NPC1: variants seen among roughly 807,000 people sequenced by gnomAD.
NPC1 encodes NPC intracellular cholesterol transporter 1.
NPC1 carries 85 observed loss-of-function variants against 140.4 expected under a neutral mutation model. The observed-to-expected ratio is 0.61, with a 90% confidence interval of 0.51 to 0.72. The LOEUF is 0.72. NPC1 is among the 30% of genes least tolerant of loss of function. The probability of loss-of-function intolerance (pLI) is 0.00; values close to 1 mark genes in which losing one functional copy is unlikely to be tolerated. For synonymous variants in NPC1, 656 were observed against 624.8 expected (o/e 1.05, Z -0.74); for missense variants, 1,504 against 1,623.8 (o/e 0.93, Z 1.27).
At chr18:23,515,631 C>G (rs557755175) in intron 3 of NPC1, among the ~76,000 whole-genome samples, 1 of 152,312 alleles carries the variant, frequency 6.6e-6, no homozygotes, top group South Asian at 2.1e-4. Flanking sequence ...TGGGTTCATT[C>G]AAGCAATTCT....
At chr18:23,508,140 T>TG in intron 3 of NPC1, 1 of 1,105,482 alleles carries the variant, frequency 9.0e-7, no homozygotes, top group Non-Finnish European at 1.3e-6. Flanking sequence ...AGCACAGACT[T>TG]GAAGTCAGAC....
intron 3 of NPC1, chr18:23,515,956 C>T (rs747682077): frequency 3.2e-5 from 52 of 1,614,122 alleles, no homozygotes; most frequent in Non-Finnish European, 4.4e-5. Flanking sequence ...TTGCTGTCTA[C>T]CACGGTCCTG....
intron 4 of NPC1, among the ~76,000 whole-genome samples, chr18:23,568,514 T>TAC (rs1236847347): frequency 2.0e-5 from 3 of 152,216 alleles, no homozygotes; most frequent in African/African-American, 4.8e-5. Flanking sequence ...TTTATGACAT[T>TAC]ACACAACTCA....
rs573154678 is a variant in NPC1 at position 23,506,315 on chromosome 18, G to A, written c.*221C>T. 2.0e-5 allele frequency: 3 copies of A among 151,742 alleles called. No individual in the cohort carries two copies. The South Asian group carries it at 6.3e-4, about 32-fold the overall frequency. 9.4% of individuals were successfully genotyped at this position (151,742 alleles called of 1,614,324 possible). ...TCACCACAATCAAGGCAATGAACAT[G>A]TTCAGACCCCGAAAAGTTTCCTTGG... On this transcript the variant is annotated 3_prime_UTR_variant, in exon 4 of 4. Transcript: ENST00000591107.
downstream of NPC1, chr18:23,529,389 C>A: frequency 1.3e-6 from 2 of 1,501,168 alleles, no homozygotes; most frequent in South Asian, 2.7e-5. Context: ...ATTAGAGTCA[C>A]TTGAAGTGAT....
At chr18:23,560,908 A>C (rs1463122763) in intron 5 of NPC1, among the ~76,000 whole-genome samples, 3 of 152,210 alleles carry the variant, frequency 2.0e-5, no homozygotes, top group South Asian at 2.1e-4. Context: ...AATTAGCCAC[A>C]GCAGGATAAA....
At chr18:23,572,304 C>T (rs2059215567) in intron 2 of NPC1, 124 bp from the exon 3 acceptor site, 4 of 690,800 alleles carry the variant, frequency 5.8e-6, no homozygotes, top group Middle Eastern at 2.4e-4. Flanking sequence ...TAAGACACAT[C>T]CTGTATTTGC....
downstream of NPC1, among the ~76,000 whole-genome samples, chr18:23,526,239 A>T (rs1002601400): frequency 2.6e-5 from 4 of 152,250 alleles, no homozygotes; most frequent in Non-Finnish European, 4.4e-5. Flanking sequence ...GAGCTGTTGT[A>T]GGAGAAACCA....
intron 3 of NPC1, chr18:23,515,945 C>T: frequency 6.2e-7 from 1 of 1,614,166 alleles, no homozygotes; most frequent in South Asian, 1.1e-5. Context: ...GCGCCGTGAT[C>T]TTGCTGTCTA....
intron 1 of NPC1, 140 bp downstream of exon 1, chr18:23,586,147 G>C (rs2059416003): frequency 1.1e-6 from 1 of 885,616 alleles, no homozygotes; most frequent in African/African-American, 1.7e-5. Flanking sequence ...AACAGGACAA[G>C]TGAGGAACCT....
At chr18:23,517,551 A>G (rs529414123), downstream of NPC1, among the ~76,000 whole-genome samples, 52 of 152,328 alleles carry the variant, frequency 3.4e-4, no homozygotes, top group African/African-American at 1.2e-3. Context: ...GAACCCCTGT[A>G]TGCCTGTATC....
In NPC1 at chr18:23,548,339, C is replaced by CTTTT. The variant is rs34182768; in HGVS notation, c.1655-235_1655-232dup. Among the ~76,000 whole-genome samples the CTTTT allele has an allele frequency of 4.6e-3, 632 of 136,174 alleles. 3 individuals carry two copies. Among genetic ancestry groups the CTTTT allele is most frequent in the African/African-American group, 0.016 (601 of 37,830 alleles). The allele number at this position is 136,174 out of a possible 152,430, so 89.3% of individuals were successfully genotyped here. ...TGGTTATCATTCAGGAAGAGTAACT[C>CTTTT]TTTTTTTTTTTTTTTTTAAAGGATA... On this transcript the variant is annotated intron_variant, in intron 10 of 24. Transcript: ENST00000269228.
At chr18:23,558,368 C>T (rs1297295688) in intron 6 of NPC1, among the ~76,000 whole-genome samples, 1 of 152,026 alleles carries the variant, frequency 6.6e-6, no homozygotes, top group Non-Finnish European at 1.5e-5. Context: ...ATCAGGGATC[C>T]CTGACATGAT....
At position 23,566,818 on chromosome 18, in the gene NPC1, A is replaced by C. The variant is rs192455330; in HGVS notation, c.463+2005T>G. Among the ~76,000 whole-genome samples the C allele has an allele frequency of 1.1e-4, 17 of 152,284 alleles. No individual in the cohort carries two copies. The East Asian group carries it at 3.3e-3, about 29-fold the overall frequency. On this transcript the variant is annotated intron_variant, in intron 4 of 24. Transcript: ENST00000269228. ...ATATAGAGTATTTTCACCACCTAAA[A>C]ATCTTCTGTGCTCTACTTATGCCTT...
At chr18:23,527,726 C>A, downstream of NPC1, 1 of 1,207,220 alleles carries the variant, frequency 8.3e-7, no homozygotes, top group Non-Finnish European at 1.2e-6. Flanking sequence ...TTTATCATAG[C>A]AACGTGTGGA....
chr18:23,544,036 A>G (rs1037384973), intron 13 of NPC1, among the ~76,000 whole-genome samples: 4 of 152,214 alleles, frequency 2.6e-5, no homozygotes, highest in Non-Finnish European at 5.9e-5. Flanking sequence ...ATCTTTTCCA[A>G]AAGTGTGTTA....
chr18:23,533,431 G>A lies in NPC1; in HGVS notation c.3678C>T (p.Phe1226=). ...AKSQIFQIFY[F]RMYLAMVLLG... ...GTAAGACCATGGCCAAATACATCCT[G>A]AAGTAGAATATCTGGAAAATTTGAG... is the stretch of plus-strand genomic sequence containing the variant. Residue 1226 remains phenylalanine (F), a synonymous_variant, in exon 24 of 25, where the codon TTC becomes TTT. Transcript: ENST00000269228. 2 of 1,614,100 alleles carry A rather than the reference G, an allele frequency of 1.2e-6. No individual in the cohort carries two copies. The highest frequency in any genetic ancestry group is 1.7e-6 in the Non-Finnish European group (2 of 1,179,974).
rs1394688704 is a variant in NPC1, at chr18:23,551,622, C to T, written c.1654+5G>A. On this transcript the variant is annotated splice_donor_5th_base_variant and intron_variant, in intron 10 of 24. Coordinates refer to ENST00000269228, the MANE Select transcript of NPC1 (RefSeq NM_000271.5). ...AAAGGAAAAGTCAAAGCTTCTCTTA[C>T]TTACCATCATAGCCTCCCAACACAA... 6.2e-7 allele frequency: 1 copy of T among 1,604,256 alleles called. No individual in the cohort carries two copies. Among genetic ancestry groups the T allele is most frequent in the Admixed American group, 1.7e-5 (1 of 60,024 alleles).
At chr18:23,584,345 AC>A (rs756692441) in intron 1 of NPC1, among the ~76,000 whole-genome samples, 5 of 152,144 alleles carry the variant, frequency 3.3e-5, no homozygotes, top group Non-Finnish European at 5.9e-5. Flanking sequence ...TCATGGCTCC[AC>A]CCCAATCTGT....
Sources: allele counts gnomAD v4.1 joint callset (sites outside exome capture counted in the v4.1 genomes callset), GRCh38; gene constraint gnomAD v4.1.1; transcripts MANE v1.5; gene names NCBI Gene and HGNC (gene_info 2026-07-23, HGNC 2026-07-21).